RUVBL1: variants seen among roughly 807,000 people sequenced by gnomAD.
The protein encoded by RUVBL1 is RuvB like AAA ATPase 1, also known as ruvB-like 1.
RUVBL1 carries 4 observed loss-of-function variants against 52.4 expected under a neutral mutation model. The ratio of observed to expected loss-of-function variants is 0.08; its 90% CI spans 0.04 to 0.17. The LOEUF is 0.17. RUVBL1 is among the 10% of genes least tolerant of loss of function. The pLI is 1.00. For synonymous variants in RUVBL1, 217 were observed against 214.4 expected (o/e 1.01, Z -0.10); for missense variants, 298 against 572.8 (o/e 0.52, Z 4.90).
At chr3:128,105,111 C>CTT (rs34719630) in intron 3 of RUVBL1, among the ~76,000 whole-genome samples, 187 bp from the exon 4 acceptor site, 15 of 134,034 alleles carry the variant, frequency 1.1e-4, no homozygotes, top group East Asian at 4.2e-4. Context: ...AGAAATGCAA[C>CTT]TTTTTTTTTT....
At chr3:128,086,786 T>G (rs1439659792) in intron 9 of RUVBL1, among the ~76,000 whole-genome samples, 1 of 152,258 alleles carries the variant, frequency 6.6e-6, no homozygotes, top group Admixed American at 6.5e-5. Context: ...TGGCACATAG[T>G]TGTGCTCTAG....
At chr3:128,119,286 C>A in intron 2 of RUVBL1, 42 bp downstream of exon 2, 1 of 1,510,342 alleles carries the variant, frequency 6.6e-7, no homozygotes, top group South Asian at 1.1e-5. Context: ...ACACTAGGAT[C>A]ATTCTCCTGG....
chr3:128,086,949 A>G (rs1217572448), intron 9 of RUVBL1, among the ~76,000 whole-genome samples: 1 of 152,254 alleles, frequency 6.6e-6, no homozygotes, highest in South Asian at 2.1e-4. Flanking sequence ...TGTGCCAGCC[A>G]CTGAGCTAGA....
Position 128,081,715 on chromosome 3 carries a change from T to C in RUVBL1, c.1212-306A>G. 1 of 337,808 alleles carries C rather than the reference T, an allele frequency of 3.0e-6. No homozygotes were observed. Among genetic ancestry groups the C allele is most frequent in the South Asian group, 6.2e-5 (1 of 16,160 alleles). 20.9% of individuals were successfully genotyped at this position (337,808 alleles called of 1,614,324 possible). ...TGCTACTGGAAAAGGACTGCAAACT[T>C]ATATGTATACAGGTGTCCGACAGAT... On this transcript the variant is annotated intron_variant, in intron 10 of 10. Coordinates refer to ENST00000322623, the MANE Select transcript of RUVBL1 (RefSeq NM_003707.3). This position sits in a 1 kb window ranked among gnomAD's most constrained non-coding sequence, Gnocchi z 4.8.
intron 9 of RUVBL1, chr3:128,065,328 G>A: frequency 1.7e-6 from 1 of 588,308 alleles, no homozygotes; most frequent in Middle Eastern, 3.0e-4. Context: ...CTTAGTTCAA[G>A]AGAAGCAAAA....
intron 1 of RUVBL1, among the ~76,000 whole-genome samples, chr3:128,133,763 G>A (rs1943911903): frequency 6.6e-6 from 1 of 152,230 alleles, no homozygotes; most frequent in Non-Finnish European, 1.5e-5. Flanking sequence ...TGCTTGGCAA[G>A]GCTTCCCAAG....
At chr3:128,141,467 T>G (rs1443113764) in intron 1 of RUVBL1, among the ~76,000 whole-genome samples, 1 of 151,168 alleles carries the variant, frequency 6.6e-6, no homozygotes, top group Non-Finnish European at 1.5e-5. Context: ...CACCTTGGAG[T>G]ATGAAGACAT....
Position 128,081,933 on chromosome 3 carries a change from T to C in RUVBL1, c.1212-524A>G, listed in dbSNP as rs189152068. ...GGAAGGGCTGAGGACTGTGAAGCAA[T>C]GATTTTACAATGAGTCAGGCCACTG... On this transcript the variant is annotated intron_variant, in intron 10 of 10. Transcript: ENST00000322623. The surrounding 1 kb of genome is among the most constrained non-coding windows in gnomAD (Gnocchi z 4.8). 1.3e-4 allele frequency: 21 copies of C among 162,950 alleles called. No individual in the cohort carries two copies. Among genetic ancestry groups the C allele is most frequent in the Non-Finnish European group, 2.6e-4 (19 of 73,466 alleles). 10.1% of individuals were successfully genotyped at this position (162,950 alleles called of 1,614,324 possible). A position where few individuals can be genotyped will look rare whatever the true frequency, so the allele number is the denominator to read the frequency against.
At chr3:128,105,697 A>G (rs1173262927) in intron 3 of RUVBL1, among the ~76,000 whole-genome samples, 1 of 152,156 alleles carries the variant, frequency 6.6e-6, no homozygotes, top group Non-Finnish European at 1.5e-5. Flanking sequence ...TGAGCAGAAC[A>G]TACTAAAATA....
At chr3:128,130,254 C>T (rs572318379) in intron 1 of RUVBL1, among the ~76,000 whole-genome samples, 175 of 152,044 alleles carry the variant, frequency 1.2e-3, no homozygotes, top group Admixed American at 4.6e-3. Context: ...TAAGCGAATA[C>T]TGTAAATAAT....
At chr3:128,123,435 C>G in intron 1 of RUVBL1, 149 bp downstream of exon 1, 2 of 1,042,148 alleles carry the variant, frequency 1.9e-6, no homozygotes, top group Admixed American at 3.1e-5. Flanking sequence ...CGCCCCTCCC[C>G]GAGCCCCTGG....
intron 3 of RUVBL1, among the ~76,000 whole-genome samples, chr3:128,105,665 C>T (rs1025417707): frequency 2.0e-5 from 3 of 152,096 alleles, no homozygotes; most frequent in South Asian, 2.1e-4. Flanking sequence ...ACTCATTACA[C>T]ACCCTCTGAC....
chr3:128,104,238 GC>G (rs1214609512), intron 4 of RUVBL1, among the ~76,000 whole-genome samples: 1 of 152,160 alleles, frequency 6.6e-6, no homozygotes, highest in African/African-American at 2.4e-5. Flanking sequence ...CACCATTCTG[GC>G]CTCTCCACAA....
downstream of RUVBL1, among the ~76,000 whole-genome samples, chr3:128,080,261 C>T (rs1942432767): frequency 6.6e-6 from 1 of 152,212 alleles, no homozygotes; most frequent in African/African-American, 2.4e-5. Context: ...CTAAAGTATA[C>T]AATGAACTTC....
At position 128,113,030 on chromosome 3, in the gene RUVBL1, A is replaced by C. The variant is rs775345789; in HGVS notation, c.229-10T>G. 3 of 1,612,690 alleles carry C rather than the reference A, an allele frequency of 1.9e-6. No individual in the cohort carries two copies. Among genetic ancestry groups the C allele is most frequent in the African/African-American group, 2.7e-5 (2 of 74,832 alleles). On this transcript the variant is annotated splice_polypyrimidine_tract_variant and intron_variant, in intron 2 of 10. Transcript: ENST00000322623. ...CCAGAGCCAGAGCTGTCTACAAAAG[A>C]AAGCAACGGAAACACAGTTCACAGT...
intron 2 of RUVBL1, among the ~76,000 whole-genome samples, chr3:128,114,510 T>C (rs67940364): frequency 0.14 from 21,530 of 152,128 alleles, 1,724 homozygotes; most frequent in African/African-American, 0.21. Context: ...CAAATGAAAG[T>C]ACTAAAGTGC....
chr3:128,134,293 T>A (rs867961096), intron 1 of RUVBL1, among the ~76,000 whole-genome samples: 1 of 150,788 alleles, frequency 6.6e-6, no homozygotes, highest in South Asian at 2.1e-4. Flanking sequence ...TGAAACCCCT[T>A]CTCTACTAAA....
chr3:128,153,389 C>T (rs1484246125), exon 1 of RUVBL1: 9 of 1,391,218 alleles, frequency 6.5e-6, no homozygotes, highest in African/African-American at 1.5e-5. Context: ...AGCTTCCGGG[C>T]CGGAACGGGT....
intron 4 of RUVBL1, among the ~76,000 whole-genome samples, chr3:128,103,705 T>C (rs1576460067): frequency 6.6e-6 from 1 of 152,332 alleles, no homozygotes; most frequent in Non-Finnish European, 1.5e-5. Context: ...CATGACTGGC[T>C]GGATGATCCC....
Sources: allele counts gnomAD v4.1 joint callset (sites outside exome capture counted in the v4.1 genomes callset), GRCh38; gene constraint gnomAD v4.1.1; non-coding constraint Gnocchi (gnomAD v3.1); transcripts MANE v1.5; gene names NCBI Gene and HGNC (gene_info 2026-07-23, HGNC 2026-07-21).